Variants in AGAP3 observed in about 807,000 individuals in gnomAD.
The protein encoded by AGAP3 is arf-GAP with GTPase, ANK repeat and PH domain-containing protein 3.
A neutral mutation model predicts 96.9 loss-of-function variants in AGAP3; 24 were observed. The observed-to-expected ratio is 0.25, with a 90% confidence interval of 0.18 to 0.35. The LOEUF is 0.35. AGAP3 is among the 10% of genes least tolerant of loss of function. The probability of loss-of-function intolerance (pLI) is 1.00; values close to 1 mark genes in which losing one functional copy is unlikely to be tolerated. For synonymous variants in AGAP3, 563 were observed against 536.1 expected, an observed-to-expected ratio of 1.05 and a Z score of -0.69; for missense variants, 876 against 1,254.2, an observed-to-expected ratio of 0.70 and a Z score of 4.55.
intron 9 of AGAP3, among the ~76,000 whole-genome samples, chr7:151,127,001 C>T (rs1249737804): frequency 1.3e-5 from 2 of 152,208 alleles, no homozygotes; most frequent in South Asian, 2.1e-4. Flanking sequence ...GTGAAACGTG[C>T]TGGAAAGTCA....
At chr7:151,120,274 A>C in intron 8 of AGAP3, 129 bp downstream of exon 8, 1 of 999,036 alleles carries the variant, frequency 1.0e-6, no homozygotes, top group Non-Finnish European at 1.5e-6. Flanking sequence ...TCTCTCCCTC[A>C]GATACACACG....
chr7:151,138,182 A>G lies in AGAP3; in HGVS notation c.1535A>G (p.Glu512Gly). The G allele has an allele frequency of 6.2e-7, 1 of 1,609,010 alleles. No individual in the cohort carries two copies. The highest frequency in any genetic ancestry group is 8.5e-7 in the Non-Finnish European group (1 of 1,178,334). Residue 512 changes from glutamate to glycine, a missense_variant, in exon 12 of 18, where the codon GAG becomes GGG. Transcript: ENST00000397238. ...GCCAGCAGCGCATCCCTGCACTCTGAGCGCCCCCTCAGCAGCTCGGCCTGG... is the reference window on the plus strand; with the variant it reads ...GCCAGCAGCGCATCCCTGCACTCTGGGCGCCCCCTCAGCAGCTCGGCCTGG... ...HSASSASLHS[E>G]RPLSSSAWAG...
At chr7:151,113,838 C>A (rs1311625456) in intron 1 of AGAP3, among the ~76,000 whole-genome samples, 1 of 152,146 alleles carries the variant, frequency 6.6e-6, no homozygotes, top group African/African-American at 2.4e-5. Flanking sequence ...CCAGGCAGCC[C>A]ACAGTCATGA....
Position 151,143,408 on chromosome 7 carries a change from T to C in AGAP3, c.2341T>C (p.Ser781Pro). The stretch of plus-strand genomic sequence containing the variant: ...GCTCTTCCTGGCCCCACTGCCAAGC[T>C]CAGATGTGCCACTGGGGCAGCAGCT... Reference protein sequence around the residue: ...QKLFLAPLPSSDVPLGQQLLR... With the variant: ...QKLFLAPLPSPDVPLGQQLLR... The change falls in exon 17 of 18, where the codon TCA becomes CCA. Residue 781 changes from serine (S) to proline (P), a missense_variant. This residue lies in a region of AGAP3 where 213 missense variants were observed against 253.8 expected (regional missense o/e 0.84). Coordinates refer to ENST00000397238, the MANE Select transcript of AGAP3 (RefSeq NM_031946.7). This position sits in a 1 kb window ranked among gnomAD's most constrained non-coding sequence, Gnocchi z 5.9. 2 of 1,614,142 alleles carry C rather than the reference T, an allele frequency of 1.2e-6. No individual in the cohort carries two copies. The highest frequency in any genetic ancestry group is 1.7e-6 in the Non-Finnish European group (2 of 1,180,028).
chr7:151,134,631 A>G, intron 11 of AGAP3, 63 bp downstream of exon 11: 1 of 1,499,820 alleles, frequency 6.7e-7, no homozygotes, highest in Non-Finnish European at 9.0e-7. Flanking sequence ...GCAAGCAGGC[A>G]TTCTGGGCTT....
At position 151,142,809 on chromosome 7, in the gene AGAP3, C is replaced by T. The variant is rs1353281021; in HGVS notation, c.2273+175C>T. ...CCTGCTCTGGTGCCTGTCACTCAGG[C>T]GCCTCACAACAACGGGCCCTTTCTG... On this transcript the variant is annotated intron_variant, in intron 16 of 17. Coordinates refer to ENST00000397238, the MANE Select transcript of AGAP3 (RefSeq NM_031946.7). The surrounding 1 kb of genome is among the most constrained non-coding windows in gnomAD (Gnocchi z 7.5). Among the ~76,000 whole-genome samples, 3 of 152,206 alleles carry T rather than the reference C, an allele frequency of 2.0e-5. No homozygotes were observed. Among genetic ancestry groups the T allele is most frequent in the African/African-American group, 4.8e-5 (2 of 41,458 alleles).
At chr7:151,129,553 C>T (rs1022549452) in intron 10 of AGAP3, among the ~76,000 whole-genome samples, 2 of 152,192 alleles carry the variant, frequency 1.3e-5, no homozygotes, top group African/African-American at 4.8e-5. Context: ...TGGTCCTCCC[C>T]CTCAGCTCAG....
intron 11 of AGAP3, among the ~76,000 whole-genome samples, chr7:151,136,976 T>C (rs1486280305): frequency 1.3e-5 from 2 of 152,236 alleles, no homozygotes; most frequent in Non-Finnish European, 2.9e-5. Flanking sequence ...CTGTAGCCTC[T>C]GTGCTGCACG....
At chr7:151,123,049 G>A (rs1421920770) in intron 8 of AGAP3, 6 of 1,306,136 alleles carry the variant, frequency 4.6e-6, no homozygotes, top group South Asian at 1.8e-5. Context: ...CCCCACGCCC[G>A]GCGCTGGCCA....
intron 1 of AGAP3, chr7:151,115,215 CGCGCGGGCA>C (rs1158901727): frequency 1.5e-5 from 15 of 1,001,428 alleles, no homozygotes; most frequent in Non-Finnish European, 1.7e-5. Context: ...GGGTCTGGGG[CGCGCGGGCA>C]GCGCGGGCTT....
intron 11 of AGAP3, 81 bp from the exon 12 acceptor site, chr7:151,138,062 C>T (rs1342886129): frequency 1.8e-6 from 2 of 1,117,426 alleles, no homozygotes; most frequent in Non-Finnish European, 2.6e-6. Flanking sequence ...CTCTGCTCTG[C>T]AGCTCTATTT....
rs192971742 is a variant in AGAP3 at position 151,111,649 on chromosome 7, C to T, written c.332-5144C>T. Among the ~76,000 whole-genome samples, 258 of 152,126 alleles carry T rather than the reference C, an allele frequency of 1.7e-3. 1 individual carries two copies. Among genetic ancestry groups the T allele is most frequent in the Non-Finnish European group, 2.0e-3 (133 of 67,994 alleles). ...AGGCCAGCACAGAAACTGGGCATAACTAGAGTCGGCTTCTCCTCCTGACAT... is the reference window on the plus strand; with the variant it reads ...AGGCCAGCACAGAAACTGGGCATAATTAGAGTCGGCTTCTCCTCCTGACAT... On this transcript the variant is annotated intron_variant, in intron 1 of 17. Transcript: ENST00000397238.
intron 1 of AGAP3, among the ~76,000 whole-genome samples, chr7:151,094,859 C>T (rs965106596): frequency 6.0e-5 from 9 of 150,934 alleles, no homozygotes. Context: ...CTGTCCCTCC[C>T]TTCCTCCCTT....
rs966868802 is a variant in AGAP3, at chr7:151,108,976, A to G, written c.332-7817A>G. Among the ~76,000 whole-genome samples, 7 of 152,196 alleles carry G rather than the reference A, an allele frequency of 4.6e-5. No individual in the cohort carries two copies. Among genetic ancestry groups the G allele is most frequent in the African/African-American group, 7.2e-5 (3 of 41,458 alleles). On this transcript the variant is annotated intron_variant, in intron 1 of 17. Transcript: ENST00000397238. This position sits in a 1 kb window ranked among gnomAD's most constrained non-coding sequence, Gnocchi z 4.2. ...ATGCACTAGCTTTTCTGGAGAGCTC[A>G]TAGCTTCCTAGGGCTGTGGTAATAA... is the stretch of plus-strand genomic sequence containing the variant.
At chr7:151,100,342 G>A (rs1563434114) in intron 1 of AGAP3, among the ~76,000 whole-genome samples, 1 of 152,172 alleles carries the variant, frequency 6.6e-6, no homozygotes, top group Non-Finnish European at 1.5e-5. Flanking sequence ...GGTGTGAGGT[G>A]CCACCTGAGC....
intron 1 of AGAP3, among the ~76,000 whole-genome samples, chr7:151,107,317 A>AG (rs111393553): frequency 0.086 from 12,754 of 148,966 alleles, 1,437 homozygotes; most frequent in African/African-American, 0.25. Context: ...GCTCAAAAAA[A>AG]AAAAAAAAAA....
At chr7:151,126,220 G>A (rs888477267) in intron 9 of AGAP3, among the ~76,000 whole-genome samples, 4 of 152,228 alleles carry the variant, frequency 2.6e-5, no homozygotes, top group Non-Finnish European at 4.4e-5. Context: ...TTCTCTGCGA[G>A]GAGGGAGGAG....
In AGAP3 at chr7:151,137,219, C is replaced by T. The variant is rs74769364; in HGVS notation, c.1496-924C>T. 3.6e-3 allele frequency among the ~76,000 whole-genome samples: 546 copies of T among 152,314 alleles called. 2 individuals are homozygous for T. The highest frequency in any genetic ancestry group is 6.1e-3 in the Non-Finnish European group (416 of 68,024). On this transcript the variant is annotated intron_variant, in intron 11 of 17. Transcript: ENST00000397238. ...GTGAGACCTGGCGCCTGCCCTTCCC[C>T]TGGCTGGGCCTCTGCCTGCTGTCTC...
In AGAP3 at chr7:151,140,570, T is replaced by A. The variant is rs541855247; in HGVS notation, c.1804+454T>A. ...GAAGCCTTCTTCCATAGGACCTTTCTCTTCCTCTATTAATTATACTGCTGC... is the reference window on the plus strand; with the variant it reads ...GAAGCCTTCTTCCATAGGACCTTTCACTTCCTCTATTAATTATACTGCTGC... On this transcript the variant is annotated intron_variant, in intron 13 of 17. Coordinates refer to ENST00000397238, the MANE Select transcript of AGAP3 (RefSeq NM_031946.7). The surrounding 1 kb of genome is among the most constrained non-coding windows in gnomAD (Gnocchi z 5.4). 1 of 152,602 alleles carries A rather than the reference T, an allele frequency of 6.6e-6. No homozygotes were observed. Among genetic ancestry groups the A allele is most frequent in the Admixed American group, 6.5e-5 (1 of 15,312 alleles). The allele number at this position is 152,602 out of a possible 1,614,324, so 9.5% of individuals were successfully genotyped here. A position where few individuals can be genotyped will look rare whatever the true frequency, so the allele number is the denominator to read the frequency against.
Sources: allele counts gnomAD v4.1 joint callset (sites outside exome capture counted in the v4.1 genomes callset), GRCh38; gene constraint gnomAD v4.1.1; regional missense constraint gnomAD v4.1.1; non-coding constraint Gnocchi (gnomAD v3.1); transcripts MANE v1.5; gene names NCBI Gene and HGNC (gene_info 2026-07-23, HGNC 2026-07-21).